PRDM16: variants seen among roughly 807,000 people sequenced by gnomAD.
PRDM16 encodes histone-lysine N-methyltransferase PRDM16.
In PRDM16, 23 loss-of-function variants were observed where a neutral mutation model predicts 110.6. The ratio of observed to expected loss-of-function variants is 0.21; its 90% CI spans 0.15 to 0.29. The LOEUF (loss-of-function observed/expected upper bound fraction) is 0.29, where lower values mean the gene tolerates loss of function less well. Among genes scored for constraint, PRDM16 ranks in the 10% least tolerant of loss-of-function variants. The probability of loss-of-function intolerance (pLI) is 1.00; values close to 1 mark genes in which losing one functional copy is unlikely to be tolerated. For missense variants in PRDM16, 1,615 were observed against 1,794.3 expected, an observed-to-expected ratio of 0.90 and a Z score of 1.81; for synonymous variants, 799 against 781.8, an observed-to-expected ratio of 1.02 and a Z score of -0.37.
At chr1:3,121,547 C>T (rs565662201) in intron 1 of PRDM16, among the ~76,000 whole-genome samples, 2 of 152,356 alleles carry the variant, frequency 1.3e-5, no homozygotes, top group Admixed American at 6.5e-5. Context: ...CCTGCAAGGC[C>T]GCTAGTGTCT....
intron 3 of PRDM16, among the ~76,000 whole-genome samples, chr1:3,352,914 C>T (rs1035984387): frequency 7.2e-5 from 11 of 152,168 alleles, no homozygotes; most frequent in Admixed American, 5.9e-4. Flanking sequence ...AGTCCCACGT[C>T]GGGGAGGGGG....
At chr1:3,215,678 C>T (rs1203216373) in intron 2 of PRDM16, among the ~76,000 whole-genome samples, 4 of 152,226 alleles carry the variant, frequency 2.6e-5, no homozygotes, top group African/African-American at 9.6e-5. Context: ...CTCCCTTGGC[C>T]CTTTCCCACT....
At chr1:3,229,117 G>A (rs575894875) in intron 2 of PRDM16, among the ~76,000 whole-genome samples, 9 of 152,354 alleles carry the variant, frequency 5.9e-5, no homozygotes, top group Admixed American at 3.9e-4. Flanking sequence ...CCAGGGCACC[G>A]TGAACACAAC....
rs1301575678 is a variant in PRDM16, at chr1:3,382,163, C to CGTGG, written c.439-2987_439-2984dup. Among the ~76,000 whole-genome samples the CGTGG allele has an allele frequency of 6.6e-5, 10 of 152,210 alleles. No individual in the cohort carries two copies. The highest frequency in any genetic ancestry group is 1.3e-4 in the Non-Finnish European group (9 of 68,016). On this transcript the variant is annotated intron_variant, in intron 3 of 16. Transcript: ENST00000270722. The surrounding 1 kb of genome is among the most constrained non-coding windows in gnomAD (Gnocchi z 6.6). Reference sequence around the variant, plus strand: ...TTGTGCCTGGGGAGGGGCCTCACCACGTGGGGCTGGTGGCCCTGGGTCTGC... The same window carrying CGTGG: ...TTGTGCCTGGGGAGGGGCCTCACCACGTGGGTGGGGCTGGTGGCCCTGGGTCTGC...
intron 2 of PRDM16, among the ~76,000 whole-genome samples, chr1:3,211,723 G>A (rs536661657): frequency 2.4e-4 from 37 of 152,242 alleles, no homozygotes; most frequent in Non-Finnish European, 4.7e-4. Flanking sequence ...CGGACAAGCC[G>A]GCCTGGGTCC....
At chr1:3,415,168 G>T (rs1397341660) in intron 10 of PRDM16, among the ~76,000 whole-genome samples, 1 of 152,174 alleles carries the variant, frequency 6.6e-6, no homozygotes, top group African/African-American at 2.4e-5. Flanking sequence ...GTCCAGACAG[G>T]TGGGTGCAGA....
intron 1 of PRDM16, among the ~76,000 whole-genome samples, chr1:3,112,014 G>A (rs761890189): frequency 1.3e-5 from 2 of 152,294 alleles, no homozygotes; most frequent in Admixed American, 6.5e-5. Context: ...ATGTCAGTGC[G>A]GATAATTGGG....
rs141963636 is a variant in PRDM16 at position 3,080,906 on chromosome 1, C to A, written c.37+11610C>A. ...ACCCCGGCCCGAGCACCCAACGCTTCCCGGAGAGCTTGTGTGCCTGAGAGT... is the reference window on the plus strand; with the variant it reads ...ACCCCGGCCCGAGCACCCAACGCTTACCGGAGAGCTTGTGTGCCTGAGAGT... On this transcript the variant is annotated intron_variant, in intron 1 of 16. Transcript: ENST00000270722. This position sits in a 1 kb window ranked among gnomAD's most constrained non-coding sequence, Gnocchi z 5.2. Among the ~76,000 whole-genome samples, 514 of 152,256 alleles carry A rather than the reference C, an allele frequency of 3.4e-3. 17 individuals carry two copies. In the East Asian group the frequency reaches 0.09, roughly 27 times the overall value.
intron 4 of PRDM16, among the ~76,000 whole-genome samples, chr1:3,388,447 T>C (rs1381540863): frequency 1.3e-5 from 2 of 152,086 alleles, no homozygotes; most frequent in Non-Finnish European, 2.9e-5. Flanking sequence ...GCAGGGAAAA[T>C]ACTTCGGTCA....
chr1:3,395,582 C>A (rs1210002640), intron 4 of PRDM16, among the ~76,000 whole-genome samples: 1 of 152,194 alleles, frequency 6.6e-6, no homozygotes, highest in Non-Finnish European at 1.5e-5. Flanking sequence ...CCAAGAGAAA[C>A]ACACCTGCCG....
intron 3 of PRDM16, among the ~76,000 whole-genome samples, chr1:3,345,666 G>C (rs564148108): frequency 2.6e-5 from 4 of 152,320 alleles, no homozygotes; most frequent in Admixed American, 2.6e-4. Flanking sequence ...GATGCAGCAG[G>C]ACCCCCTCTG....
At chr1:3,165,922 TGGGCTCAGGGACAGGGACTCACC>T (rs1183625681) in intron 1 of PRDM16, among the ~76,000 whole-genome samples, 9 of 134,032 alleles carry the variant, frequency 6.7e-5, no homozygotes, top group African/African-American at 2.5e-4. Flanking sequence ...GGGACTCACC[TGGGCTCAGGGACAGGGACTCACC>T]TTTTTTTTCT....
chr1:3,127,460 C>A (rs1569628143), intron 1 of PRDM16, among the ~76,000 whole-genome samples: 1 of 152,226 alleles, frequency 6.6e-6, no homozygotes. Flanking sequence ...CTTGCACGAT[C>A]TGTGTGTCTG....
chr1:3,218,034 C>T (rs1389653826), intron 2 of PRDM16, among the ~76,000 whole-genome samples: 1 of 152,250 alleles, frequency 6.6e-6, no homozygotes, highest in Non-Finnish European at 1.5e-5. Context: ...CCAACATCTG[C>T]AGGCCCTGGG....
At chr1:3,271,375 A>G (rs992041841) in intron 3 of PRDM16, among the ~76,000 whole-genome samples, 2 of 152,216 alleles carry the variant, frequency 1.3e-5, no homozygotes, top group Non-Finnish European at 2.9e-5. Context: ...GGTCTCCCAC[A>G]GTGGGGAACA....
chr1:3,426,671 C>A (rs879797463), intron 14 of PRDM16, among the ~76,000 whole-genome samples: 7 of 152,118 alleles, frequency 4.6e-5, no homozygotes, highest in Admixed American at 4.6e-4. Context: ...CATAGGTATG[C>A]CCCGTGTACA....
chr1:3,161,434 C>T (rs1268720738), intron 1 of PRDM16, among the ~76,000 whole-genome samples: 1 of 152,154 alleles, frequency 6.6e-6, no homozygotes, highest in African/African-American at 2.4e-5. Flanking sequence ...AGCTGATTAG[C>T]GGGTCGGGCA....
intron 2 of PRDM16, among the ~76,000 whole-genome samples, chr1:3,242,171 C>G (rs941412709): frequency 9.9e-5 from 15 of 152,168 alleles, no homozygotes; most frequent in African/African-American, 3.6e-4. Context: ...CAGGTACTGG[C>G]AGGACAGGGC....
intron 3 of PRDM16, among the ~76,000 whole-genome samples, chr1:3,291,556 T>A (rs1375910159): frequency 6.6e-6 from 1 of 151,276 alleles, no homozygotes; most frequent in Non-Finnish European, 1.5e-5. Context: ...AACTCAGAGC[T>A]CCACACTCCT....
Sources: gnomAD v4.1 joint callset for allele counts (sites outside exome capture counted in the v4.1 genomes callset) on GRCh38, gnomAD v4.1.1 for gene constraint, Gnocchi (gnomAD v3.1) non-coding constraint, MANE v1.5 for transcripts, NCBI Gene and HGNC (gene_info 2026-07-23, HGNC 2026-07-21) for gene names.